RCOR1: variants seen among roughly 807,000 people sequenced by gnomAD.
RCOR1 encodes REST corepressor 1.
A neutral mutation model predicts 64.0 loss-of-function variants in RCOR1; 12 were observed. That is an observed-to-expected ratio of 0.19 (90% CI 0.12 to 0.30). The LOEUF (loss-of-function observed/expected upper bound fraction) is 0.30. Ranked by LOEUF, RCOR1 falls within the 10% of genes least tolerant of loss-of-function variation. The pLI, the probability that RCOR1 is intolerant of heterozygous loss-of-function variation, is 1.00. For missense variants in RCOR1, 502 were observed against 621.2 expected, an observed-to-expected ratio of 0.81 and a Z score of 2.04; for synonymous variants, 279 against 227.2, an observed-to-expected ratio of 1.23 and a Z score of -2.05.
At chr14:102,648,019 C>T (rs1488205351) in intron 2 of RCOR1, among the ~76,000 whole-genome samples, 1 of 152,100 alleles carries the variant, frequency 6.6e-6, no homozygotes, top group African/African-American at 2.4e-5. Context: ...CCAGATTTGG[C>T]CAATGGGATT....
At chr14:102,667,856 A>C (rs2139945820) in intron 2 of RCOR1, among the ~76,000 whole-genome samples, 1 of 152,312 alleles carries the variant, frequency 6.6e-6, no homozygotes, top group East Asian at 1.9e-4. Context: ...GTAAACAAGA[A>C]GAAACAGCTT....
chr14:102,596,103 CA>C (rs5811075), intron 2 of RCOR1, among the ~76,000 whole-genome samples: 4 of 150,622 alleles, frequency 2.7e-5, no homozygotes, highest in African/African-American at 7.4e-5. Flanking sequence ...AATGATACAA[CA>C]TTTTTTTTTT....
At chr14:102,623,792 C>T (rs1567411846) in intron 2 of RCOR1, among the ~76,000 whole-genome samples, 1 of 151,730 alleles carries the variant, frequency 6.6e-6, no homozygotes, top group Non-Finnish European at 1.5e-5. Context: ...TGCGGTGGCT[C>T]ACGCCTGTAA....
intron 3 of RCOR1, among the ~76,000 whole-genome samples, chr14:102,692,440 A>AACACACACAC (rs10622844): frequency 0.1 from 15,227 of 146,172 alleles, 923 homozygotes; most frequent in African/African-American, 0.16. Flanking sequence ...GGAAAAAGTT[A>AACACACACAC]ACACACACAC....
chr14:102,716,038 C>T (rs538213020), intron 8 of RCOR1, among the ~76,000 whole-genome samples: 19 of 152,330 alleles, frequency 1.2e-4, no homozygotes, highest in Middle Eastern at 6.8e-3. Context: ...ATTTGAGAAC[C>T]ACTGCTCTAC....
In RCOR1 at chr14:102,708,565, A is replaced by G; in HGVS notation, c.761A>G (p.Lys254Arg). Residue 254 changes from lysine to arginine, a missense_variant, in exon 6 of 12, where the codon AAA becomes AGA. Transcript: ENST00000262241. ...SVMDRHARKQ[K>R]REREESEDEL... is the part of the protein sequence containing the mutation. Reference sequence around the variant, plus strand: ...ATGGATCGCCATGCCCGGAAACAAAAACGGGAGCGGGAGGAGAGGTGAGCA... The same window carrying G: ...ATGGATCGCCATGCCCGGAAACAAAGACGGGAGCGGGAGGAGAGGTGAGCA... 6.2e-7 allele frequency: 1 copy of G among 1,608,006 alleles called. No individual in the cohort carries two copies. The highest frequency in any genetic ancestry group is 8.5e-7 in the Non-Finnish European group (1 of 1,174,720).
At chr14:102,617,718 T>C (rs1893790988) in intron 2 of RCOR1, among the ~76,000 whole-genome samples, 1 of 151,310 alleles carries the variant, frequency 6.6e-6, no homozygotes, top group African/African-American at 2.4e-5. Flanking sequence ...GGCTCCCAAG[T>C]AGCTGGGACT....
In RCOR1 at chr14:102,726,400, G is replaced by A. The variant is rs902847013; in HGVS notation, c.1420-68G>A. The A allele has an allele frequency of 2.8e-6, 4 of 1,406,758 alleles. No individual in the cohort carries two copies. The African/African-American group carries it at 4.3e-5, about 15-fold the overall frequency. The allele number at this position is 1,406,758 out of a possible 1,614,324, so 87.1% of individuals were successfully genotyped here. A position where few individuals can be genotyped will look rare whatever the true frequency, so the allele number is the denominator to read the frequency against. On this transcript the variant is annotated intron_variant, in intron 11 of 11. Coordinates refer to ENST00000262241, the MANE Select transcript of RCOR1 (RefSeq NM_015156.4). Reference sequence around the variant, plus strand: ...GCTACCTTCTCTTTTCAGTACACTGGAAATAGCAGCTTGTGTTGTTTACCT... The same window carrying A: ...GCTACCTTCTCTTTTCAGTACACTGAAAATAGCAGCTTGTGTTGTTTACCT...
At chr14:102,610,130 C>CAA (rs988867488) in intron 2 of RCOR1, among the ~76,000 whole-genome samples, 9 of 96,106 alleles carry the variant, frequency 9.4e-5, no homozygotes, top group Admixed American at 2.2e-4. Flanking sequence ...AACTCCATCT[C>CAA]AAAAAAAAAA....
intron 2 of RCOR1, among the ~76,000 whole-genome samples, chr14:102,628,893 C>CTTT (rs569423625): frequency 1.1e-4 from 15 of 139,216 alleles, no homozygotes; most frequent in African/African-American, 2.4e-4. Context: ...CCAACTTGCT[C>CTTT]TTTTTTTTTT....
chr14:102,608,224 T>A (rs1222068877), intron 2 of RCOR1, among the ~76,000 whole-genome samples: 1 of 152,180 alleles, frequency 6.6e-6, no homozygotes, highest in Non-Finnish European at 1.5e-5. Context: ...CTTCTTATTC[T>A]CCATTCTCAG....
chr14:102,668,043 T>C (rs1419158189), intron 2 of RCOR1, among the ~76,000 whole-genome samples: 2 of 152,180 alleles, frequency 1.3e-5, no homozygotes, highest in South Asian at 2.1e-4. Context: ...GGAAGAGTAA[T>C]TAATACCAGA....
At chr14:102,711,280 T>A (rs903959905) in intron 7 of RCOR1, among the ~76,000 whole-genome samples, 2 of 152,268 alleles carry the variant, frequency 1.3e-5, no homozygotes, top group Non-Finnish European at 2.9e-5. Flanking sequence ...ACTGACTTTC[T>A]TCGTAAGCCA....
chr14:102,604,677 G>A (rs986942360), intron 2 of RCOR1, among the ~76,000 whole-genome samples: 5 of 152,138 alleles, frequency 3.3e-5, no homozygotes, highest in African/African-American at 1.2e-4. Context: ...AAAGGAAAAG[G>A]ATCAACAAGA....
At chr14:102,608,473 C>T (rs1335860874) in intron 2 of RCOR1, among the ~76,000 whole-genome samples, 4 of 151,964 alleles carry the variant, frequency 2.6e-5, no homozygotes, top group African/African-American at 7.3e-5. Context: ...CTTGCTCTGT[C>T]GTCCAGGCTG....
chr14:102,725,685 C>T (rs1042097529), intron 11 of RCOR1, among the ~76,000 whole-genome samples: 8 of 152,290 alleles, frequency 5.3e-5, no homozygotes, highest in Admixed American at 2.6e-4. Context: ...TCTTGATTCT[C>T]GTGCCTCAGC....
At chr14:102,703,275 A>C (rs1182102137) in intron 4 of RCOR1, among the ~76,000 whole-genome samples, 1 of 152,214 alleles carries the variant, frequency 6.6e-6, no homozygotes, top group African/African-American at 2.4e-5. Flanking sequence ...GGAGTAAGAG[A>C]GATAGGGACA....
intron 2 of RCOR1, among the ~76,000 whole-genome samples, chr14:102,604,021 A>G (rs984071154): frequency 6.6e-6 from 1 of 152,114 alleles, no homozygotes; most frequent in African/African-American, 2.4e-5. Flanking sequence ...CTAGGAAGGG[A>G]TAAAAATACA....
chr14:102,620,812 C>A (rs1011792006), intron 2 of RCOR1, among the ~76,000 whole-genome samples: 1 of 152,084 alleles, frequency 6.6e-6, no homozygotes, highest in African/African-American at 2.4e-5. Flanking sequence ...AAGCCCTCAC[C>A]GTGGTCCCCT....
Sources: allele counts gnomAD v4.1 joint callset (sites outside exome capture counted in the v4.1 genomes callset), GRCh38; gene constraint gnomAD v4.1.1; transcripts MANE v1.5; gene names NCBI Gene and HGNC (gene_info 2026-07-23, HGNC 2026-07-21).